CDC34: variants seen among roughly 807,000 people sequenced by gnomAD.
CDC34 encodes the protein cell division cycle 34, ubiquitin conjugating enzyme, also known as ubiquitin-conjugating enzyme E2 R1.
Under a neutral mutation model 26.8 loss-of-function variants are expected in CDC34, and 18 were observed. That is an observed-to-expected ratio of 0.67 (90% CI 0.47 to 1.00). CDC34 has a LOEUF of 1.00. Ranked by LOEUF, CDC34 falls within the 50% of genes least tolerant of loss-of-function variation. The pLI is 0.00. For synonymous variants in CDC34, 178 were observed against 147.5 expected (o/e 1.21, Z -1.50); for missense variants, 280 against 334.5 (o/e 0.84, Z 1.27).
At chr19:534,350 C>T (rs12972025) in intron 1 of CDC34, among the ~76,000 whole-genome samples, 37,738 of 149,826 alleles carry the variant, frequency 0.25, 5,070 homozygotes, top group Admixed American at 0.29. Context: ...GGCCCGTCCA[C>T]GATCCAAGAC....
At chr19:532,219 C>G (rs1271866940) in intron 1 of CDC34, 111 bp downstream of exon 1, 7 of 863,432 alleles carry the variant, frequency 8.1e-6, no homozygotes, top group African/African-American at 1.8e-5. Context: ...GGCCCCGAAG[C>G]CTCCTGGCTT....
rs762315172 is a variant in CDC34, at chr19:535,794, T to TGGGGC, written c.178-42_178-38dup. 9 of 1,507,214 alleles carry TGGGGC rather than the reference T, an allele frequency of 6.0e-6. No homozygotes were observed. The African/African-American group carries it at 1.1e-4, about 18-fold the overall frequency. 93.4% of individuals were successfully genotyped at this position (1,507,214 alleles called of 1,614,324 possible). ...GCACCTTGTGAGCTGGGGCAGGTCTTGGGGCTGGGCTGGACTGAGCCACCT... is the reference window on the plus strand; with the variant it reads ...GCACCTTGTGAGCTGGGGCAGGTCTTGGGGCGGGGCTGGGCTGGACTGAGCCACCT... On this transcript the variant is annotated intron_variant, in intron 1 of 4. Coordinates refer to ENST00000215574, the MANE Select transcript of CDC34 (RefSeq NM_004359.2).
chr19:536,724 G>A (rs1979772212), intron 3 of CDC34: 4 of 540,804 alleles, frequency 7.4e-6, no homozygotes. Flanking sequence ...TGTTGCCCGT[G>A]TGTCCTGGAG....
chr19:537,455 C>A (rs1377695774), intron 4 of CDC34, among the ~76,000 whole-genome samples: 1 of 152,088 alleles, frequency 6.6e-6, no homozygotes, highest in Admixed American at 6.5e-5. Context: ...CGGGTTCACG[C>A]CATTCTCCTG....
rs1555720826 is a variant in CDC34 at position 540,004 on chromosome 19, G to GT, written c.498-1335_498-1334insT. 5.2e-3 allele frequency among the ~76,000 whole-genome samples: 460 copies of GT among 87,692 alleles called. 6 individuals carry two copies. The highest frequency in any genetic ancestry group is 0.018 in the African/African-American group (369 of 20,096). The allele number at this position is 87,692 out of a possible 152,430, so 57.5% of individuals were successfully genotyped here. On this transcript the variant is annotated intron_variant, in intron 4 of 4. Coordinates refer to ENST00000215574, the MANE Select transcript of CDC34 (RefSeq NM_004359.2). ...AGAATCCGGAGGCCGGGGTGGCCAG[G>GT]CCCCCAGGTTTAGAATCCGGAGGCC... is the stretch of plus-strand genomic sequence containing the variant.
intron 4 of CDC34, among the ~76,000 whole-genome samples, chr19:538,026 A>T (rs1347897705): frequency 1.3e-5 from 2 of 152,054 alleles, no homozygotes; most frequent in Non-Finnish European, 2.9e-5. Context: ...TTAATGAAGA[A>T]ATGGGGTCGT....
At chr19:538,643 T>C (rs866359532) in intron 4 of CDC34, 18 of 882,946 alleles carry the variant, frequency 2.0e-5, no homozygotes, top group Middle Eastern at 1.1e-3. Context: ...TTTTAAAATA[T>C]TGCACACATA....
chr19:538,737 G>T (rs1432105054), intron 4 of CDC34: 1 of 985,316 alleles, frequency 1.0e-6, no homozygotes, highest in South Asian at 4.7e-5. Flanking sequence ...GTGTCGTGGG[G>T]TCATCTCGGG....
chr19:535,026 A>G (rs1020835926), intron 1 of CDC34, among the ~76,000 whole-genome samples: 2 of 152,216 alleles, frequency 1.3e-5, no homozygotes, highest in Non-Finnish European at 2.9e-5. Flanking sequence ...ACTGGGGCCC[A>G]GCAGGAAAAC....
At chr19:533,208 G>C (rs1440875832) in intron 1 of CDC34, among the ~76,000 whole-genome samples, 2 of 152,090 alleles carry the variant, frequency 1.3e-5, no homozygotes, top group Non-Finnish European at 2.9e-5. Context: ...GGTGGGGAAC[G>C]AGCACCCTGT....
chr19:541,491 A>G lies in CDC34; in HGVS notation c.650A>G (p.Glu217Gly), dbSNP rs1270949054. 1.2e-6 allele frequency: 2 copies of G among 1,611,116 alleles called. No homozygotes were observed. The highest frequency in any genetic ancestry group is 1.7e-6 in the Non-Finnish European group (2 of 1,178,818). Residue 217 changes from glutamate (E) to glycine (G), a missense_variant, in exon 5 of 5, where the codon GAG becomes GGG. By Grantham distance (98) the Glu-to-Gly change is moderately conservative. Coordinates refer to ENST00000215574, the MANE Select transcript of CDC34 (RefSeq NM_004359.2). ...YDDYYEDGEV[E>G]EEADSCFGDD... ...GACTACTACGAGGACGGCGAGGTGG[A>G]GGAGGAGGCCGACAGCTGCTTCGGG...
chr19:533,368 CTAAT>C (rs1191274640), intron 1 of CDC34, among the ~76,000 whole-genome samples: 2 of 152,216 alleles, frequency 1.3e-5, no homozygotes, highest in African/African-American at 4.8e-5. Context: ...GCTCTCCGAG[CTAAT>C]TAGTGTCTGA....
At chr19:537,511 C>T (rs1354761666) in intron 4 of CDC34, among the ~76,000 whole-genome samples, 2 of 152,110 alleles carry the variant, frequency 1.3e-5, no homozygotes, top group Non-Finnish European at 2.9e-5. Flanking sequence ...CGTCACCACG[C>T]CCGGCTAATT....
intron 1 of CDC34, among the ~76,000 whole-genome samples, chr19:534,243 C>G (rs16990522): frequency 1.3e-5 from 2 of 152,068 alleles, no homozygotes; most frequent in Admixed American, 6.5e-5. Context: ...GCTCTGTGGC[C>G]GCGGCCAAGT....
At chr19:536,507 G>A (rs571098145) in intron 3 of CDC34, 167 bp downstream of exon 3, 29 of 609,702 alleles carry the variant, frequency 4.8e-5, no homozygotes, top group South Asian at 9.8e-5. Context: ...GTACCTGCAC[G>A]GTAGGTGCTT....
chr19:532,870 A>G (rs1979561325), intron 1 of CDC34, among the ~76,000 whole-genome samples: 1 of 151,930 alleles, frequency 6.6e-6, no homozygotes, highest in Non-Finnish European at 1.5e-5. Context: ...CGCGTCCCGG[A>G]CCCCGACCTC....
intron 1 of CDC34, 120 bp from the exon 2 acceptor site, chr19:535,717 T>G (rs1041224820): frequency 1.3e-6 from 1 of 784,286 alleles, no homozygotes; most frequent in African/African-American, 1.7e-5. Context: ...CAGGATACGG[T>G]GTCCCTCACA....
intron 4 of CDC34, 132 bp downstream of exon 4, chr19:537,279 T>C: frequency 9.6e-7 from 1 of 1,038,072 alleles, no homozygotes; most frequent in Non-Finnish European, 1.4e-6. Context: ...ATTTACAGGG[T>C]GCCAGTCACA....
rs1979872983 is a variant in CDC34, at chr19:538,635, T to C, written c.497+1488T>C. On this transcript the variant is annotated intron_variant, in intron 4 of 4. Transcript: ENST00000215574. ...ATAAACAGAATCTTAAAAACAACTT[T>C]TAAAATATTGCACACATAATGCATG... The C allele has an allele frequency of 9.0e-6, 8 of 885,840 alleles. No individual in the cohort carries two copies. The South Asian group carries it at 2.6e-4, about 29-fold the overall frequency. 54.9% of individuals were successfully genotyped at this position (885,840 alleles called of 1,614,324 possible). A position where few individuals can be genotyped will look rare whatever the true frequency, so the allele number is the denominator to read the frequency against.
Sources: gnomAD v4.1 joint callset for allele counts (sites outside exome capture counted in the v4.1 genomes callset) on GRCh38, gnomAD v4.1.1 for gene constraint, MANE v1.5 for transcripts, NCBI Gene and HGNC (gene_info 2026-07-23, HGNC 2026-07-21) for gene names.